TMEM177: variants seen among roughly 807,000 people sequenced by gnomAD.
TMEM177 encodes transmembrane protein 177.
Under a neutral mutation model 14.2 loss-of-function variants are expected in TMEM177, and 4 were observed. That is an observed-to-expected ratio of 0.28 (90% CI 0.14 to 0.64). The LOEUF (loss-of-function observed/expected upper bound fraction) is 0.64, where lower values mean the gene tolerates loss of function less well. Among genes scored for constraint, TMEM177 ranks in the 30% least tolerant of loss-of-function variants. The pLI, the probability that TMEM177 is intolerant of heterozygous loss-of-function variation, is 0.82. For synonymous variants in TMEM177, 179 were observed against 174.5 expected (o/e 1.03, Z -0.20); for missense variants, 344 against 405.2 (o/e 0.85, Z 1.30).
the TMEM177 span, among the ~76,000 whole-genome samples, chr2:119,703,730 G>A: frequency 1.3e-5 from 2 of 152,128 alleles, no homozygotes; most frequent in Admixed American, 6.5e-5. Context: ...GGAGACACCA[G>A]CAGAAGATGG....
At chr2:119,711,494 C>T in the TMEM177 span, among the ~76,000 whole-genome samples, 2 of 152,196 alleles carry the variant, frequency 1.3e-5, no homozygotes, top group African/African-American at 4.8e-5. Context: ...CTGCAGCCTT[C>T]AGAAAGCAGA....
the TMEM177 span, among the ~76,000 whole-genome samples, chr2:119,696,877 A>C: frequency 6.6e-6 from 1 of 152,114 alleles, no homozygotes; most frequent in Admixed American, 6.5e-5. Flanking sequence ...AAGGGGCCAG[A>C]TTGTATAGGG....
chr2:119,702,835 T>A, the TMEM177 span, among the ~76,000 whole-genome samples: 1 of 152,246 alleles, frequency 6.6e-6, no homozygotes, highest in Non-Finnish European at 1.5e-5. Context: ...TCAGACCTCC[T>A]GCTCTAACCA....
chr2:119,696,779 A>G, the TMEM177 span, among the ~76,000 whole-genome samples: 1 of 151,660 alleles, frequency 6.6e-6, no homozygotes, highest in Non-Finnish European at 1.5e-5. Flanking sequence ...AGAGGCCCTG[A>G]GGCAGGAGCG....
At chr2:119,692,086 C>T in the TMEM177 span, among the ~76,000 whole-genome samples, 1 of 152,200 alleles carries the variant, frequency 6.6e-6, no homozygotes, top group East Asian at 1.9e-4. Flanking sequence ...CTCTCCTAAG[C>T]CTGGAGACCC....
chr2:119,690,517 G>A (rs1689077718), downstream of TMEM177, among the ~76,000 whole-genome samples: 2 of 152,168 alleles, frequency 1.3e-5, no homozygotes, highest in Admixed American at 1.3e-4. Flanking sequence ...AGGACAGGGT[G>A]CTCATGCCAA....
the TMEM177 span, among the ~76,000 whole-genome samples, chr2:119,699,520 C>T: frequency 6.6e-6 from 1 of 152,048 alleles, no homozygotes; most frequent in Non-Finnish European, 1.5e-5. Flanking sequence ...GGCTAGAGTC[C>T]CTACTAGGGT....
At chr2:119,684,407 C>T (rs958656741), downstream of TMEM177, among the ~76,000 whole-genome samples, 6 of 152,306 alleles carry the variant, frequency 3.9e-5, no homozygotes, top group East Asian at 1.9e-4. Flanking sequence ...ACCTCTTCCT[C>T]GCCCTACTGC....
At chr2:119,708,165 C>T in the TMEM177 span, among the ~76,000 whole-genome samples, 6 of 152,318 alleles carry the variant, frequency 3.9e-5, no homozygotes, top group South Asian at 4.1e-4. Flanking sequence ...GCCTCAAAGT[C>T]CTTCTGTTTT....
chr2:119,709,350 T>C, the TMEM177 span, among the ~76,000 whole-genome samples: 1 of 152,172 alleles, frequency 6.6e-6, no homozygotes, highest in Non-Finnish European at 1.5e-5. Flanking sequence ...CTTTGAATTT[T>C]CAAGAAATAT....
At chr2:119,706,222 C>T in the TMEM177 span, among the ~76,000 whole-genome samples, 5 of 151,986 alleles carry the variant, frequency 3.3e-5, no homozygotes, top group South Asian at 2.1e-4. Flanking sequence ...CACGGGGTTT[C>T]GCCACGTTGG....
At chr2:119,697,607 G>T in the TMEM177 span, among the ~76,000 whole-genome samples, 4 of 152,118 alleles carry the variant, frequency 2.6e-5, no homozygotes, top group African/African-American at 4.8e-5. Context: ...TGCACATGTT[G>T]TTCCCTCTGC....
chr2:119,680,607 C>T (rs921458730), intron 1 of TMEM177, among the ~76,000 whole-genome samples: 1 of 152,168 alleles, frequency 6.6e-6, no homozygotes, highest in African/African-American at 2.4e-5. Flanking sequence ...CTCATCACCG[C>T]CACCCTAGAG....
chr2:119,713,763 G>A, the TMEM177 span, among the ~76,000 whole-genome samples: 5 of 152,170 alleles, frequency 3.3e-5, no homozygotes, highest in East Asian at 9.6e-4. Flanking sequence ...GAGCCCAGGA[G>A]CTTGGATCTG....
the TMEM177 span, among the ~76,000 whole-genome samples, chr2:119,705,278 C>G: frequency 6.6e-6 from 1 of 152,178 alleles, no homozygotes; most frequent in African/African-American, 2.4e-5. Flanking sequence ...CTAGCTGGGT[C>G]CTCGGCTCAG....
chr2:119,700,677 C>T, the TMEM177 span, among the ~76,000 whole-genome samples: 2 of 152,164 alleles, frequency 1.3e-5, no homozygotes, highest in Non-Finnish European at 1.5e-5. Context: ...TTACTTCTGC[C>T]TCCCAGATTC....
downstream of TMEM177, among the ~76,000 whole-genome samples, chr2:119,683,266 A>C (rs1025325134): frequency 2.3e-4 from 35 of 152,268 alleles, no homozygotes; most frequent in African/African-American, 7.0e-4. Context: ...TGAGGGCAGC[A>C]CATCCTTGCT....
At chr2:119,699,648 G>A in the TMEM177 span, 1 of 167,646 alleles carries the variant, frequency 6.0e-6, no homozygotes, top group South Asian at 1.4e-4. Flanking sequence ...AAGCCGGTTG[G>A]AGTTTTTCCA....
downstream of TMEM177, chr2:119,685,818 C>G: frequency 1.5e-6 from 1 of 688,302 alleles, no homozygotes; most frequent in African/African-American, 1.8e-5. Flanking sequence ...ATGGTGCAGA[C>G]TTATACTGTG....
Sources: allele counts gnomAD v4.1 joint callset (sites outside exome capture counted in the v4.1 genomes callset), GRCh38; gene constraint gnomAD v4.1.1; transcripts MANE v1.5; gene names NCBI Gene and HGNC (gene_info 2026-07-23, HGNC 2026-07-21).